The following AP3M1 variants were observed in gnomAD, a reference collection of about 807,000 sequenced individuals.
AP3M1 encodes adaptor related protein complex 3 subunit mu 1, also known as AP-3 complex subunit mu-1.
Under a neutral mutation model 42.6 loss-of-function variants are expected in AP3M1, and 29 were observed. That is an observed-to-expected ratio of 0.68 (90% CI 0.51 to 0.93). The LOEUF (loss-of-function observed/expected upper bound fraction) is 0.93. Ranked by LOEUF, AP3M1 falls within the 40% of genes least tolerant of loss-of-function variation. AP3M1 has a pLI of 0.00. For synonymous variants in AP3M1, 178 were observed against 175.3 expected (o/e 1.02, Z -0.12); for missense variants, 416 against 510.2 (o/e 0.82, Z 1.78).
intron 6 of AP3M1, among the ~76,000 whole-genome samples, chr10:74,126,926 G>A (rs942876604): frequency 9.0e-5 from 11 of 122,824 alleles, no homozygotes; most frequent in East Asian, 2.5e-4. Flanking sequence ...AGCTGAGATC[G>A]TGCCACTGCA....
At chr10:74,125,276 GCCTCT>G (rs1840582206) in intron 7 of AP3M1, among the ~76,000 whole-genome samples, 4 of 152,230 alleles carry the variant, frequency 2.6e-5, no homozygotes, top group Non-Finnish European at 5.9e-5. Context: ...ACTGCGCCCA[GCCTCT>G]GTTTATTTTT....
chr10:74,145,120 T>C (rs535127762), intron 1 of AP3M1, among the ~76,000 whole-genome samples: 2 of 152,306 alleles, frequency 1.3e-5, no homozygotes, highest in Non-Finnish European at 2.9e-5. Context: ...ATTCATCCTA[T>C]CGAAAATATA....
At chr10:74,129,014 T>C in intron 6 of AP3M1, 94 bp downstream of exon 6, 2 of 1,478,306 alleles carry the variant, frequency 1.4e-6, no homozygotes, top group Non-Finnish European at 1.9e-6. Flanking sequence ...TGAGCAGTGA[T>C]GACCTCAAGT....
At chr10:74,132,303 G>A (rs751765644) in intron 4 of AP3M1, among the ~76,000 whole-genome samples, 6 of 152,056 alleles carry the variant, frequency 3.9e-5, no homozygotes, top group Non-Finnish European at 7.4e-5. Context: ...CTCCCAAAGT[G>A]CTGGAATTAC....
intron 1 of AP3M1, among the ~76,000 whole-genome samples, chr10:74,142,505 A>G (rs562752735): frequency 6.6e-6 from 1 of 152,310 alleles, no homozygotes; most frequent in South Asian, 2.1e-4. Context: ...AGTTACTAAG[A>G]TATGTTTTAG....
Position 74,123,743 on chromosome 10 carries a change from A to G in AP3M1, c.*67T>C. ...GAATATGTATTCCCACTCACTTGGT[A>G]CCTAATAGTGATACATCGTAATGAC... is the stretch of plus-strand genomic sequence containing the variant. On this transcript the variant is annotated 3_prime_UTR_variant, in exon 9 of 9. Coordinates refer to ENST00000355264, the MANE Select transcript of AP3M1 (RefSeq NM_012095.6). 2 of 1,193,922 alleles carry G rather than the reference A, an allele frequency of 1.7e-6. No homozygotes were observed. The highest frequency in any genetic ancestry group is 2.4e-5 in the South Asian group (2 of 82,282). 74.0% of individuals were successfully genotyped at this position (1,193,922 alleles called of 1,614,324 possible).
chr10:74,128,124 A>G (rs12776035), intron 6 of AP3M1, among the ~76,000 whole-genome samples: 2 of 137,624 alleles, frequency 1.5e-5, no homozygotes, highest in Non-Finnish European at 3.1e-5. Context: ...AAAAAAAAAA[A>G]GGAAAAGAAA....
chr10:74,135,973 T>C (rs749574311), intron 3 of AP3M1, among the ~76,000 whole-genome samples: 4 of 152,206 alleles, frequency 2.6e-5, no homozygotes, highest in African/African-American at 2.4e-5. Context: ...TAACATTTCA[T>C]AGGAATCTTT....
At chr10:74,127,097 T>C (rs1476278651) in intron 6 of AP3M1, among the ~76,000 whole-genome samples, 1 of 151,702 alleles carries the variant, frequency 6.6e-6, no homozygotes, top group Non-Finnish European at 1.5e-5. Flanking sequence ...ACAAGTAACT[T>C]GGAGATGATT....
chr10:74,124,165 A>C (rs1338816319), intron 8 of AP3M1, among the ~76,000 whole-genome samples: 1 of 152,148 alleles, frequency 6.6e-6, no homozygotes, highest in Non-Finnish European at 1.5e-5. Flanking sequence ...TTGGTGCTTA[A>C]ATGAGGGCGG....
intron 6 of AP3M1, 161 bp downstream of exon 6, chr10:74,128,947 T>A (rs1840695731): frequency 2.8e-6 from 2 of 723,268 alleles, no homozygotes; most frequent in South Asian, 3.6e-5. Context: ...TACGGATTAT[T>A]TTAGGTGCGT....
At chr10:74,124,068 G>A (rs980039468) in intron 8 of AP3M1, among the ~76,000 whole-genome samples, 158 bp from the exon 9 acceptor site, 8 of 152,124 alleles carry the variant, frequency 5.3e-5, no homozygotes, top group African/African-American at 1.9e-4. Flanking sequence ...GCACTTTGAT[G>A]GTATGGTTTT....
chr10:74,130,378 A>G (rs1840746122), intron 4 of AP3M1, among the ~76,000 whole-genome samples: 1 of 152,172 alleles, frequency 6.6e-6, no homozygotes, highest in African/African-American at 2.4e-5. Flanking sequence ...TTTTTAAGAG[A>G]TAAAGTCTGA....
intron 3 of AP3M1, among the ~76,000 whole-genome samples, chr10:74,136,196 T>C (rs930588132): frequency 2.0e-5 from 3 of 152,198 alleles, no homozygotes; most frequent in Non-Finnish European, 2.9e-5. Context: ...TAGTACTGTG[T>C]GGTTAAGCGT....
chr10:74,134,798 T>C (rs1840892482), intron 3 of AP3M1, among the ~76,000 whole-genome samples: 1 of 152,216 alleles, frequency 6.6e-6, no homozygotes, highest in Non-Finnish European at 1.5e-5. Flanking sequence ...CATTCGAAAG[T>C]ACTACATACT....
rs1055747614 is a variant in AP3M1 at position 74,122,440 on chromosome 10, T to C, written c.*1370A>G. On this transcript the variant is annotated 3_prime_UTR_variant, in exon 9 of 9. Coordinates refer to ENST00000355264, the MANE Select transcript of AP3M1 (RefSeq NM_012095.6). Reference sequence around the variant, plus strand: ...GCACTTAAGATATTAACTTTCAGTCTTTCTCCATTTCTTGATGTCTAATGA... The same window carrying C: ...GCACTTAAGATATTAACTTTCAGTCCTTCTCCATTTCTTGATGTCTAATGA... The C allele has an allele frequency of 2.0e-5, 3 of 152,198 alleles. No individual in the cohort carries two copies. The highest frequency in any genetic ancestry group is 6.5e-5 in the Admixed American group (1 of 15,288). The allele number at this position is 152,198 out of a possible 1,614,324, so 9.4% of individuals were successfully genotyped here. A position where few individuals can be genotyped will look rare whatever the true frequency, so the allele number is the denominator to read the frequency against.
chr10:74,135,775 A>T (rs948387588), intron 3 of AP3M1, among the ~76,000 whole-genome samples: 1 of 152,212 alleles, frequency 6.6e-6, no homozygotes, highest in African/African-American at 2.4e-5. Flanking sequence ...CATTCAGAGT[A>T]TAAGTTTTAG....
In AP3M1 at chr10:74,126,133, T is replaced by C. The variant is rs767233743; in HGVS notation, c.1011+15A>G. Reference sequence around the variant, plus strand: ...GCAGAAACACTTGCTCACTCTTGATTTGAAGTGGCTGTACCTTGGTGACTG... The same window carrying C: ...GCAGAAACACTTGCTCACTCTTGATCTGAAGTGGCTGTACCTTGGTGACTG... On this transcript the variant is annotated intron_variant, in intron 7 of 8. Coordinates refer to ENST00000355264, the MANE Select transcript of AP3M1 (RefSeq NM_012095.6). The C allele has an allele frequency of 6.2e-7, 1 of 1,613,622 alleles. No individual in the cohort carries two copies. Among genetic ancestry groups the C allele is most frequent in the African/African-American group, 1.3e-5 (1 of 74,926 alleles).
chr10:74,144,274 T>A (rs997450471), intron 1 of AP3M1, among the ~76,000 whole-genome samples: 1 of 151,014 alleles, frequency 6.6e-6, no homozygotes, highest in Non-Finnish European at 1.5e-5. Flanking sequence ...TTATTTTTAT[T>A]TTTTTTTTGA....
Sources: allele counts gnomAD v4.1 joint callset (sites outside exome capture counted in the v4.1 genomes callset), GRCh38; gene constraint gnomAD v4.1.1; transcripts MANE v1.5; gene names NCBI Gene and HGNC (gene_info 2026-07-23, HGNC 2026-07-21).